The following ABI1 variants were observed in gnomAD, a reference collection of about 807,000 sequenced individuals.
ABI1 encodes the protein Abelson interactor 1.
In ABI1, 14 loss-of-function variants were observed where a neutral mutation model predicts 54.6. That is an observed-to-expected ratio of 0.26 (90% CI 0.17 to 0.40). ABI1 has a LOEUF of 0.40. Ranked by LOEUF, ABI1 falls within the 10% of genes least tolerant of loss-of-function variation. The pLI is 1.00. For missense variants in ABI1, 443 were observed against 598.3 expected (o/e 0.74, Z 2.71); for synonymous variants, 194 against 209.3 (o/e 0.93, Z 0.63).
At chr10:26,818,794 A>T (rs555582382) in intron 2 of ABI1, among the ~76,000 whole-genome samples, 2 of 152,240 alleles carry the variant, frequency 1.3e-5, no homozygotes, top group African/African-American at 4.8e-5. Context: ...GTTCAAGACC[A>T]ACCTGGCCAA....
At chr10:26,788,625 G>A (rs189373400) in intron 2 of ABI1, among the ~76,000 whole-genome samples, 1 of 152,266 alleles carries the variant, frequency 6.6e-6, no homozygotes, top group East Asian at 1.9e-4. Context: ...GATACCAGCA[G>A]TTTGAGGCCG....
intron 1 of ABI1, among the ~76,000 whole-genome samples, chr10:26,845,924 C>T (rs1169139358): frequency 6.6e-6 from 1 of 152,024 alleles, no homozygotes; most frequent in African/African-American, 2.4e-5. Flanking sequence ...AGGCAGAGCA[C>T]CTGAGGTCAG....
intron 2 of ABI1, among the ~76,000 whole-genome samples, chr10:26,797,077 T>C (rs1844277530): frequency 1.3e-5 from 2 of 152,202 alleles, no homozygotes; most frequent in African/African-American, 4.8e-5. Flanking sequence ...TGGGGACCCC[T>C]GCCATAACGT....
At chr10:26,827,553 CTT>C (rs1412858023) in intron 1 of ABI1, among the ~76,000 whole-genome samples, 1 of 150,838 alleles carries the variant, frequency 6.6e-6, no homozygotes, top group Non-Finnish European at 1.5e-5. Context: ...ACCACTAAAA[CTT>C]TCTCCCTATC....
rs140511754 is a variant in ABI1 at position 26,752,703 on chromosome 10, C to T, written c.1085-920G>A. ...GTCGTGGTCAGTATATATGTGTGTG[C>T]TTTACACAGTCAAAGGTGTAAACAG... On this transcript the variant is annotated intron_variant, in intron 9 of 10. Coordinates refer to ENST00000376140, the MANE Select transcript of ABI1 (RefSeq NM_001012750.3). 1.3e-3 allele frequency among the ~76,000 whole-genome samples: 200 copies of T among 152,098 alleles called. 1 individual carries two copies. In the South Asian group the frequency reaches 0.015, roughly 12 times the overall value.
At chr10:26,816,445 A>G (rs116737109) in intron 2 of ABI1, among the ~76,000 whole-genome samples, 2,354 of 152,308 alleles carry the variant, frequency 0.015, 52 homozygotes, top group African/African-American at 0.054. Flanking sequence ...ACCCATAAAA[A>G]CTTTATGTTA....
chr10:26,816,300 C>T (rs1344094358), intron 2 of ABI1, among the ~76,000 whole-genome samples: 1 of 152,146 alleles, frequency 6.6e-6, no homozygotes, highest in African/African-American at 2.4e-5. Context: ...ATAATGCATA[C>T]AGGAATGCTA....
intron 1 of ABI1, among the ~76,000 whole-genome samples, chr10:26,835,228 T>C (rs2048985712): frequency 6.6e-6 from 1 of 151,960 alleles, no homozygotes; most frequent in Admixed American, 6.6e-5. Flanking sequence ...ACCCTGTTGG[T>C]TGAAATGTAA....
At chr10:26,857,344 AAAAAAAC>A (rs2050906199) in intron 1 of ABI1, among the ~76,000 whole-genome samples, 1 of 133,150 alleles carries the variant, frequency 7.5e-6, no homozygotes, top group Non-Finnish European at 1.6e-5. Flanking sequence ...AAAAAAAAAA[AAAAAAAC>A]ACTTTCTGGC....
intron 2 of ABI1, among the ~76,000 whole-genome samples, chr10:26,783,203 A>T (rs774661915): frequency 6.6e-6 from 1 of 152,244 alleles, no homozygotes; most frequent in African/African-American, 2.4e-5. Context: ...CGCCAGTCAC[A>T]AAAAGACAAA....
chr10:26,764,730 G>A (rs767361200), intron 7 of ABI1, among the ~76,000 whole-genome samples: 39 of 152,088 alleles, frequency 2.6e-4, no homozygotes, highest in Non-Finnish European at 4.7e-4. Flanking sequence ...TATTTTTCTT[G>A]TCACTATTCC....
At position 26,748,150 on chromosome 10, in the gene ABI1, A is replaced by C. The variant is rs189870655; in HGVS notation, c.*420T>G. The C allele has an allele frequency of 1.2e-3, 255 of 219,742 alleles. 1 individual carries two copies. Among genetic ancestry groups the C allele is most frequent in the Non-Finnish European group, 1.5e-3 (167 of 109,708 alleles). 13.6% of individuals were successfully genotyped at this position (219,742 alleles called of 1,614,324 possible). On this transcript the variant is annotated 3_prime_UTR_variant, in exon 11 of 11. Transcript: ENST00000376140. Reference sequence around the variant, plus strand: ...AACAGTATTTTTTTTAAATGAGAGAATCTAACAAAAAAAGTCTGACCAGCA... The same window carrying C: ...AACAGTATTTTTTTTAAATGAGAGACTCTAACAAAAAAAGTCTGACCAGCA...
chr10:26,748,904 C>G (rs1331866788), intron 10 of ABI1, among the ~76,000 whole-genome samples, 159 bp from the exon 11 acceptor site: 1 of 152,094 alleles, frequency 6.6e-6, no homozygotes, highest in African/African-American at 2.4e-5. Flanking sequence ...AGTGGCCAAC[C>G]ATGTACTTAA....
intron 2 of ABI1, among the ~76,000 whole-genome samples, chr10:26,815,981 C>T (rs1417238953): frequency 1.3e-5 from 2 of 152,130 alleles, no homozygotes; most frequent in African/African-American, 2.4e-5. Context: ...GCAGAAACTT[C>T]GCTGCTAGGT....
chr10:26,805,799 G>A (rs1173505341), intron 2 of ABI1, among the ~76,000 whole-genome samples: 3 of 152,190 alleles, frequency 2.0e-5, no homozygotes, highest in African/African-American at 7.2e-5. Context: ...CTCAGGAGCT[G>A]TGTAATTCCA....
At chr10:26,795,465 A>G (rs984850477) in intron 2 of ABI1, among the ~76,000 whole-genome samples, 3 of 152,194 alleles carry the variant, frequency 2.0e-5, no homozygotes, top group African/African-American at 7.2e-5. Context: ...AATTATCTCT[A>G]TTTGCAAATG....
intron 2 of ABI1, among the ~76,000 whole-genome samples, chr10:26,813,012 G>T (rs1368886560): frequency 6.6e-6 from 1 of 152,102 alleles, no homozygotes; most frequent in Non-Finnish European, 1.5e-5. Flanking sequence ...ACTTTGGGAG[G>T]CCAAGGCAGG....
intron 2 of ABI1, among the ~76,000 whole-genome samples, chr10:26,808,422 G>A (rs1440945148): frequency 3.3e-5 from 5 of 152,108 alleles, no homozygotes; most frequent in African/African-American, 9.7e-5. Flanking sequence ...TCAGGGGTGG[G>A]ATGGCGGGCT....
At chr10:26,859,672 A>C (rs1395661985) in intron 1 of ABI1, among the ~76,000 whole-genome samples, 1 of 152,248 alleles carries the variant, frequency 6.6e-6, no homozygotes, top group Non-Finnish European at 1.5e-5. Flanking sequence ...CAAAGTCCCA[A>C]GAGTTTTCTA....
Sources: allele counts gnomAD v4.1 joint callset (sites outside exome capture counted in the v4.1 genomes callset), GRCh38; gene constraint gnomAD v4.1.1; transcripts MANE v1.5; gene names NCBI Gene and HGNC (gene_info 2026-07-23, HGNC 2026-07-21).